Variants in PRKN observed in about 807,000 individuals in gnomAD.
PRKN encodes the protein E3 ubiquitin-protein ligase parkin.
Under a neutral mutation model 59.5 loss-of-function variants are expected in PRKN, and 56 were observed. The observed-to-expected ratio is 0.94, with a 90% CI of 0.76 to 1.18. PRKN has a LOEUF of 1.18. Among genes scored for constraint, PRKN ranks in the 50% most tolerant of loss-of-function variants. The pLI, the probability that PRKN is intolerant of heterozygous loss-of-function variation, is 0.00. For synonymous variants in PRKN, 250 were observed against 222.1 expected (o/e 1.13, Z -1.12); for missense variants, 657 against 596.4 (o/e 1.10, Z -1.06).
intron 5 of PRKN, among the ~76,000 whole-genome samples, chr6:161,999,448 G>A (rs1348552531): frequency 1.3e-5 from 2 of 152,094 alleles, no homozygotes; most frequent in Non-Finnish European, 1.5e-5. Context: ...AACGTGTCTT[G>A]TAGTGAAAAG....
In PRKN at chr6:161,549,831, T is replaced by C. The variant is rs1779935154; in HGVS notation, c.934-828A>G. ...TGAGAGCCTACTACATTCCAGACTCTATCGAGGCGCTGGGGATACAGCAGT... is the reference window on the plus strand; with the variant it reads ...TGAGAGCCTACTACATTCCAGACTCCATCGAGGCGCTGGGGATACAGCAGT... On this transcript the variant is annotated intron_variant, in intron 8 of 11. Transcript: ENST00000366898. The surrounding 1 kb of genome is among the most constrained non-coding windows in gnomAD (Gnocchi z 6.0). Among the ~76,000 whole-genome samples the C allele has an allele frequency of 6.6e-6, 1 of 152,184 alleles. No individual in the cohort carries two copies. Among genetic ancestry groups the C allele is most frequent in the Non-Finnish European group, 1.5e-5 (1 of 68,040 alleles).
At chr6:162,080,369 CTT>C (rs1357336997) in intron 4 of PRKN, among the ~76,000 whole-genome samples, 3 of 152,016 alleles carry the variant, frequency 2.0e-5, no homozygotes, top group Non-Finnish European at 4.4e-5. Context: ...ATGAAAAGTT[CTT>C]TTCCGCCCTA....
intron 9 of PRKN, among the ~76,000 whole-genome samples, chr6:161,472,307 G>A (rs1411059315): frequency 1.3e-5 from 2 of 152,082 alleles, no homozygotes; most frequent in Non-Finnish European, 2.9e-5. Context: ...GGGAGTTTAA[G>A]GAAACCCAAT....
intron 4 of PRKN, among the ~76,000 whole-genome samples, chr6:162,088,608 A>G (rs1222344149): frequency 3.3e-5 from 5 of 152,190 alleles, no homozygotes; most frequent in Admixed American, 1.3e-4. Context: ...ATACCAACAA[A>G]TAGATAACTT....
At chr6:161,974,025 G>T (rs1247874901) in intron 5 of PRKN, among the ~76,000 whole-genome samples, 1 of 152,254 alleles carries the variant, frequency 6.6e-6, no homozygotes, top group African/African-American at 2.4e-5. Context: ...CCAGCACTTT[G>T]GGAGGTTGAG....
At chr6:161,701,047 G>T (rs903543671) in intron 7 of PRKN, among the ~76,000 whole-genome samples, 6 of 152,182 alleles carry the variant, frequency 3.9e-5, no homozygotes, top group Non-Finnish European at 1.5e-5. Flanking sequence ...GATTTATTAG[G>T]AAAGTCTTGT....
chr6:161,495,187 G>A (rs1777701491), intron 9 of PRKN, among the ~76,000 whole-genome samples: 1 of 152,142 alleles, frequency 6.6e-6, no homozygotes. Context: ...AATCTGGTTT[G>A]TATTTTACAT....
chr6:162,377,474 CTCTT>C (rs914656828), intron 2 of PRKN, among the ~76,000 whole-genome samples: 3 of 152,204 alleles, frequency 2.0e-5, no homozygotes, highest in African/African-American at 7.2e-5. Context: ...CTCCTTTTGT[CTCTT>C]TCTTTGATTT....
At chr6:162,432,303 G>A (rs1250465070) in intron 2 of PRKN, among the ~76,000 whole-genome samples, 3 of 152,108 alleles carry the variant, frequency 2.0e-5, no homozygotes, top group Admixed American at 1.3e-4. Context: ...CGAGGCAGAC[G>A]GATCATGAGG....
chr6:162,092,182 C>T (rs141450908), intron 4 of PRKN, among the ~76,000 whole-genome samples: 56 of 152,136 alleles, frequency 3.7e-4, no homozygotes, highest in African/African-American at 1.3e-3. Flanking sequence ...GGCGAAACCC[C>T]GGCTCTACTA....
chr6:162,313,052 A>AT (rs1422531313), intron 2 of PRKN, among the ~76,000 whole-genome samples: 4 of 152,318 alleles, frequency 2.6e-5, no homozygotes, highest in Admixed American at 2.6e-4. Context: ...TTATTCATGC[A>AT]ATCAAATGAA....
intron 5 of PRKN, among the ~76,000 whole-genome samples, chr6:161,990,561 A>T (rs1170881367): frequency 3.9e-5 from 6 of 152,354 alleles, no homozygotes; most frequent in African/African-American, 1.2e-4. Context: ...AGATATTTTT[A>T]AAAATGTCTA....
At chr6:162,095,811 C>G (rs1779700801) in intron 4 of PRKN, among the ~76,000 whole-genome samples, 1 of 152,102 alleles carries the variant, frequency 6.6e-6, no homozygotes, top group Non-Finnish European at 1.5e-5. Flanking sequence ...TCCTGCATAG[C>G]TTTGAGATCT....
chr6:162,134,316 A>G (rs932476293), intron 4 of PRKN, among the ~76,000 whole-genome samples: 23 of 152,200 alleles, frequency 1.5e-4, no homozygotes, highest in African/African-American at 5.1e-4. Context: ...GCAAGATAGC[A>G]CCAGACTTTG....
At chr6:161,574,509 G>A (rs564202634) in intron 7 of PRKN, among the ~76,000 whole-genome samples, 9 of 152,204 alleles carry the variant, frequency 5.9e-5, no homozygotes, top group Middle Eastern at 3.4e-3. Flanking sequence ...GAGTATTCCT[G>A]ATGAAATTCG....
intron 6 of PRKN, among the ~76,000 whole-genome samples, chr6:161,949,023 T>C (rs1434754614): frequency 8.5e-5 from 13 of 152,054 alleles, no homozygotes; most frequent in Non-Finnish European, 1.9e-4. Context: ...CAGTGAGAAG[T>C]GGACTGCAGG....
chr6:161,504,675 T>G (rs1398073516), intron 9 of PRKN, among the ~76,000 whole-genome samples: 2 of 67,506 alleles, frequency 3.0e-5, no homozygotes, highest in Non-Finnish European at 2.7e-5. Context: ...CCCTCCCCCC[T>G]CCCCCCACCC....
intron 6 of PRKN, among the ~76,000 whole-genome samples, chr6:161,922,828 A>G (rs1303224155): frequency 6.6e-6 from 1 of 152,254 alleles, no homozygotes; most frequent in East Asian, 1.9e-4. Flanking sequence ...TTTTGTTTTT[A>G]ATTTTCATAC....
At chr6:162,574,820 T>C (rs1780496349) in intron 1 of PRKN, among the ~76,000 whole-genome samples, 1 of 151,940 alleles carries the variant, frequency 6.6e-6, no homozygotes. Flanking sequence ...GTTGTTTTAA[T>C]ATGAACTTGC....
Sources: allele counts gnomAD v4.1 joint callset (sites outside exome capture counted in the v4.1 genomes callset), GRCh38; gene constraint gnomAD v4.1.1; non-coding constraint Gnocchi (gnomAD v3.1); transcripts MANE v1.5; gene names NCBI Gene and HGNC (gene_info 2026-07-23, HGNC 2026-07-21).